The following HDAC9 variants were observed in gnomAD, a reference collection of about 807,000 sequenced individuals.
HDAC9 encodes histone deacetylase 9, also known as MEF-2 interacting transcription repressor (MITR) protein.
A neutral mutation model predicts 139.4 loss-of-function variants in HDAC9; 41 were observed. That is an observed-to-expected ratio of 0.29 (90% CI 0.23 to 0.38). HDAC9 has a LOEUF of 0.38. HDAC9 is among the 10% of genes least tolerant of loss of function. The pLI, the probability that HDAC9 is intolerant of heterozygous loss-of-function variation, is 1.00. For missense variants in HDAC9, 1,147 were observed against 1,297.0 expected (o/e 0.88, Z 1.78); for synonymous variants, 517 against 476.2 (o/e 1.09, Z -1.12).
At chr7:18,117,983 C>T (rs1222888122) in intron 1 of HDAC9, among the ~76,000 whole-genome samples, 2 of 152,148 alleles carry the variant, frequency 1.3e-5, no homozygotes, top group African/African-American at 4.8e-5. Context: ...GCTCTGTTTC[C>T]TCCCCCTTCA....
intron 2 of HDAC9, among the ~76,000 whole-genome samples, chr7:18,540,652 A>T (rs1047767953): frequency 5.3e-5 from 8 of 152,254 alleles, no homozygotes; most frequent in Non-Finnish European, 1.0e-4. Context: ...TTATGATGAC[A>T]TAAGTTAAGA....
At chr7:18,674,335 T>C (rs1048789975) in intron 12 of HDAC9, among the ~76,000 whole-genome samples, 2 of 152,066 alleles carry the variant, frequency 1.3e-5, no homozygotes, top group Non-Finnish European at 2.9e-5. Flanking sequence ...CCTACAGTAA[T>C]TGCTTTCTAA....
chr7:18,858,513 C>T (rs557943137), intron 21 of HDAC9, among the ~76,000 whole-genome samples: 1 of 152,252 alleles, frequency 6.6e-6, no homozygotes, highest in East Asian at 1.9e-4. Context: ...CCTAGTCCCT[C>T]CCATGACATG....
At chr7:18,803,135 GCA>G (rs1793436939) in intron 17 of HDAC9, among the ~76,000 whole-genome samples, 3 of 151,328 alleles carry the variant, frequency 2.0e-5, no homozygotes, top group Non-Finnish European at 3.0e-5. Flanking sequence ...TTCAGAAAAT[GCA>G]CACTTTTTTT....
chr7:18,831,560 T>C (rs1718747910), intron 19 of HDAC9, among the ~76,000 whole-genome samples: 2 of 152,234 alleles, frequency 1.3e-5, no homozygotes, highest in South Asian at 2.1e-4. Context: ...TATCTAAATA[T>C]ATGGAGTTCT....
At chr7:18,992,587 C>T (rs532996871) in intron 25 of HDAC9, among the ~76,000 whole-genome samples, 184 of 152,082 alleles carry the variant, frequency 1.2e-3, no homozygotes, top group African/African-American at 2.3e-3. Flanking sequence ...TGTTTTACTA[C>T]GTAACAGTGT....
intron 14 of HDAC9, among the ~76,000 whole-genome samples, chr7:18,751,335 A>G (rs1788428459): frequency 1.3e-5 from 2 of 152,142 alleles, no homozygotes; most frequent in African/African-American, 4.8e-5. Context: ...AGCCCAGGTC[A>G]GCAGATTTGC....
intron 23 of HDAC9, chr7:18,949,090 T>C: frequency 8.9e-6 from 3 of 337,088 alleles, no homozygotes; most frequent in South Asian, 7.8e-5. Context: ...GAGGGTTTTT[T>C]TTCTGTTTTT....
chr7:18,702,534 T>G (rs1425890360), intron 12 of HDAC9, among the ~76,000 whole-genome samples: 4 of 152,200 alleles, frequency 2.6e-5, no homozygotes, highest in African/African-American at 4.8e-5. Flanking sequence ...AATTTGTCAG[T>G]GGATCAGAAT....
At chr7:18,110,872 C>T (rs949314785) in intron 1 of HDAC9, among the ~76,000 whole-genome samples, 8 of 152,070 alleles carry the variant, frequency 5.3e-5, no homozygotes, top group Middle Eastern at 3.4e-3. Context: ...AGATGAGGAA[C>T]GGAGATGATA....
intron 2 of HDAC9, among the ~76,000 whole-genome samples, chr7:18,241,132 T>A (rs142620198): frequency 4.3e-4 from 66 of 152,288 alleles, no homozygotes; most frequent in African/African-American, 1.5e-3. Context: ...CAGCTAAAAT[T>A]TGGGTAACTT....
At chr7:18,770,024 G>A (rs1435561755) in intron 16 of HDAC9, among the ~76,000 whole-genome samples, 1 of 152,150 alleles carries the variant, frequency 6.6e-6, no homozygotes, top group Non-Finnish European at 1.5e-5. Flanking sequence ...TACAGAATAC[G>A]GATGGGTTAA....
Position 18,644,772 on chromosome 7 carries a change from C to T in HDAC9, c.1014C>T (p.Pro338=), listed in dbSNP as rs768714689. Residue 338 remains proline (P), a synonymous_variant, in exon 9 of 26, where the codon CCC becomes CCT. Coordinates refer to ENST00000686413, the MANE Select transcript of HDAC9 (RefSeq NM_178425.4). ...TGCCCAACATTACCTTGGGGCTTCC[C>T]GCAGTGCCATCCCAGCTCAATGTAA... is the stretch of plus-strand genomic sequence containing the variant. ...PSLPNITLGL[P]AVPSQLNASN... is the part of the protein sequence containing the mutation. 12 of 1,611,638 alleles carry T rather than the reference C, an allele frequency of 7.4e-6. No individual in the cohort carries two copies. Among genetic ancestry groups the T allele is most frequent in the South Asian group, 2.2e-5 (2 of 90,842 alleles).
chr7:18,495,332 C>G (rs1354132274), upstream of HDAC9, among the ~76,000 whole-genome samples: 3 of 152,080 alleles, frequency 2.0e-5, no homozygotes, highest in African/African-American at 7.2e-5. Flanking sequence ...CTTCTCTCCT[C>G]TCTCTTCCAA....
chr7:18,450,494 C>T (rs1051101254), intron 1 of HDAC9, among the ~76,000 whole-genome samples: 5 of 152,146 alleles, frequency 3.3e-5, no homozygotes, highest in East Asian at 1.9e-4. Context: ...TTTTAGTCTC[C>T]GCCCCTTTCC....
intron 2 of HDAC9, among the ~76,000 whole-genome samples, chr7:18,521,280 T>G (rs1189656081): frequency 6.6e-6 from 1 of 152,202 alleles, no homozygotes; most frequent in Non-Finnish European, 1.5e-5. Flanking sequence ...AATTTCCTTT[T>G]GGAAACATGG....
chr7:18,171,130 G>A (rs977162792), intron 2 of HDAC9, among the ~76,000 whole-genome samples: 1 of 152,110 alleles, frequency 6.6e-6, no homozygotes, highest in Non-Finnish European at 1.5e-5. Context: ...ATTGAGCAGT[G>A]GTTTGTAGTT....
chr7:18,103,297 A>G (rs982370424), intron 1 of HDAC9, among the ~76,000 whole-genome samples: 2 of 152,232 alleles, frequency 1.3e-5, no homozygotes, highest in Non-Finnish European at 2.9e-5. Flanking sequence ...GGACACAGCC[A>G]AACCATATCA....
At chr7:18,502,391 C>G (rs1014335679) in intron 2 of HDAC9, 1 of 152,114 alleles carries the variant, frequency 6.6e-6, no homozygotes, top group African/African-American at 2.4e-5. Flanking sequence ...AGGCAGGATA[C>G]CTAAACCTGC....
Sources: gnomAD v4.1 joint callset for allele counts (sites outside exome capture counted in the v4.1 genomes callset) on GRCh38, gnomAD v4.1.1 for gene constraint, MANE v1.5 for transcripts, NCBI Gene and HGNC (gene_info 2026-07-23, HGNC 2026-07-21) for gene names.